Variants in CNTN4 observed in about 807,000 individuals in gnomAD.
CNTN4 encodes contactin-4.
CNTN4 carries 77 observed loss-of-function variants against 122.5 expected under a neutral mutation model. That is an observed-to-expected ratio of 0.63 (90% confidence interval 0.52 to 0.76). The LOEUF is 0.76. Ranked by LOEUF, CNTN4 falls within the 30% of genes least tolerant of loss-of-function variation. The probability of loss-of-function intolerance (pLI) is 0.00; values close to 1 mark genes in which losing one functional copy is unlikely to be tolerated. For synonymous variants in CNTN4, 512 were observed against 447.0 expected (o/e 1.15, Z -1.83); for missense variants, 1,256 against 1,259.1 (o/e 1.00, Z 0.04).
At chr3:2,568,330 A>C (rs1392376506) in intron 3 of CNTN4, among the ~76,000 whole-genome samples, 1 of 150,944 alleles carries the variant, frequency 6.6e-6, no homozygotes, top group Admixed American at 6.6e-5. Context: ...AAAAAAAAAA[A>C]AAAAAAAAAA....
intron 3 of CNTN4, among the ~76,000 whole-genome samples, chr3:2,479,577 G>A (rs1188299442): frequency 6.6e-6 from 1 of 152,192 alleles, no homozygotes; most frequent in East Asian, 1.9e-4. Context: ...CGATGCCCGG[G>A]AAGATTGTAA....
chr3:2,362,532 TA>T, intron 3 of CNTN4: 1 of 598,090 alleles, frequency 1.7e-6, no homozygotes, highest in Non-Finnish European at 3.1e-6. Context: ...TGGTCATTCC[TA>T]AGAAGCCCAT....
At chr3:2,379,697 G>A (rs1227827145) in intron 3 of CNTN4, among the ~76,000 whole-genome samples, 1 of 151,940 alleles carries the variant, frequency 6.6e-6, no homozygotes, top group Non-Finnish European at 1.5e-5. Context: ...TTTGATCTTG[G>A]GAACATTATA....
chr3:2,537,263 G>C (rs1047801129), intron 3 of CNTN4, among the ~76,000 whole-genome samples: 4 of 152,046 alleles, frequency 2.6e-5, no homozygotes, highest in Non-Finnish European at 5.9e-5. Flanking sequence ...GAGTCACAGA[G>C]GTTCCTACGA....
At chr3:2,660,808 C>A (rs1338561378) in intron 4 of CNTN4, among the ~76,000 whole-genome samples, 1 of 152,188 alleles carries the variant, frequency 6.6e-6, no homozygotes, top group South Asian at 2.1e-4. Context: ...AAGTTAAACA[C>A]AACTGATGCC....
chr3:2,897,518 T>C lies in CNTN4; in HGVS notation c.941-3167T>C, dbSNP rs374074061. Among the ~76,000 whole-genome samples, 6 of 152,182 alleles carry C rather than the reference T, an allele frequency of 3.9e-5. 1 individual carries two copies. In the East Asian group the frequency reaches 5.8e-4, roughly 15 times the overall value. On this transcript the variant is annotated intron_variant, in intron 10 of 24. Transcript: ENST00000418658. The stretch of plus-strand genomic sequence containing the variant: ...CTGTTCAGGCCTTCCTCTGAGTTGA[T>C]ACAGGTTGAGTATCTCTTACCTGAA...
chr3:2,863,106 C>A (rs1204700430), intron 7 of CNTN4, among the ~76,000 whole-genome samples: 1 of 152,178 alleles, frequency 6.6e-6, no homozygotes, highest in Non-Finnish European at 1.5e-5. Flanking sequence ...TTGTACTACA[C>A]TTTTTGCCTG....
chr3:2,649,903 C>T (rs866563318), intron 4 of CNTN4, among the ~76,000 whole-genome samples: 13 of 151,412 alleles, frequency 8.6e-5, no homozygotes, highest in Admixed American at 2.6e-4. Flanking sequence ...CTGAGGCAGG[C>T]GGATCACTTG....
At chr3:2,124,460 ACACACACACACACC>A (rs2034003548) in intron 2 of CNTN4, among the ~76,000 whole-genome samples, 1 of 149,200 alleles carries the variant, frequency 6.7e-6, no homozygotes, top group South Asian at 2.2e-4. Context: ...ACACACACAC[ACACACACACACACC>A]CCCTTAAGCA....
intron 6 of CNTN4, among the ~76,000 whole-genome samples, chr3:2,776,007 A>T (rs1158433821): frequency 6.6e-6 from 1 of 152,188 alleles, no homozygotes; most frequent in African/African-American, 2.4e-5. Flanking sequence ...TTTTATACAT[A>T]CTTATGTCAT....
At chr3:3,000,303 T>G (rs1393618067) in intron 14 of CNTN4, among the ~76,000 whole-genome samples, 1 of 151,658 alleles carries the variant, frequency 6.6e-6, no homozygotes, top group Non-Finnish European at 1.5e-5. Flanking sequence ...CATTAAAATT[T>G]GAAATCACCT....
At chr3:3,039,132 A>C (rs1574897996) in intron 19 of CNTN4, 129 bp downstream of exon 19, 1 of 800,266 alleles carries the variant, frequency 1.2e-6, no homozygotes. Context: ...GGGTTCAGAC[A>C]CTCCCTCTCA....
chr3:2,521,343 T>TCCCCCCCCCCCCCCCCCCCCC (rs5846190), intron 3 of CNTN4, among the ~76,000 whole-genome samples: 2 of 128,310 alleles, frequency 1.6e-5, no homozygotes, highest in African/African-American at 6.3e-5. Flanking sequence ...CCTCTACCCA[T>TCCCCCCCCCCCCCCCCCCCCC]CCCCCCCACC....
At chr3:2,422,121 A>T (rs1453382787) in intron 3 of CNTN4, among the ~76,000 whole-genome samples, 1 of 152,244 alleles carries the variant, frequency 6.6e-6, no homozygotes, top group Non-Finnish European at 1.5e-5. Flanking sequence ...CTTTCACCAG[A>T]GGTGAAGTTG....
chr3:2,309,577 T>C (rs1575337190), intron 2 of CNTN4, among the ~76,000 whole-genome samples: 1 of 152,152 alleles, frequency 6.6e-6, no homozygotes, highest in East Asian at 1.9e-4. Flanking sequence ...AGTCCAGGCC[T>C]TCACATGGCA....
chr3:2,259,216 T>A (rs929593002), intron 2 of CNTN4, among the ~76,000 whole-genome samples: 1 of 152,104 alleles, frequency 6.6e-6, no homozygotes, highest in African/African-American at 2.4e-5. Flanking sequence ...GGTCAGTCAG[T>A]GAACATAAAT....
At chr3:2,510,060 T>C (rs1352920846) in intron 3 of CNTN4, among the ~76,000 whole-genome samples, 1 of 152,148 alleles carries the variant, frequency 6.6e-6, no homozygotes, top group Non-Finnish European at 1.5e-5. Context: ...TACTCACACT[T>C]ACTGAGCATG....
At chr3:2,565,971 T>G (rs2079141188) in intron 3 of CNTN4, among the ~76,000 whole-genome samples, 1 of 152,196 alleles carries the variant, frequency 6.6e-6, no homozygotes, top group African/African-American at 2.4e-5. Flanking sequence ...TTCTTACACT[T>G]AGGAGGAAAG....
intron 3 of CNTN4, among the ~76,000 whole-genome samples, chr3:2,502,512 C>T (rs996319355): frequency 6.6e-6 from 1 of 152,138 alleles, no homozygotes; most frequent in Non-Finnish European, 1.5e-5. Flanking sequence ...AATCAGGGCT[C>T]CTGTCTCTAT....
Sources: allele counts gnomAD v4.1 joint callset (sites outside exome capture counted in the v4.1 genomes callset), GRCh38; gene constraint gnomAD v4.1.1; transcripts MANE v1.5; gene names NCBI Gene and HGNC (gene_info 2026-07-23, HGNC 2026-07-21).